CDH12: variants seen among roughly 807,000 people sequenced by gnomAD.
The protein encoded by CDH12 is cadherin 12, also known as cadherin-12.
CDH12 carries 41 observed loss-of-function variants against 74.1 expected under a neutral mutation model. The observed-to-expected ratio is 0.55, with a 90% CI of 0.43 to 0.72. The LOEUF (loss-of-function observed/expected upper bound fraction) is 0.72. Among genes scored for constraint, CDH12 ranks in the 30% least tolerant of loss-of-function variants. The pLI is 0.00. For missense variants in CDH12, 945 were observed against 977.2 expected, an observed-to-expected ratio of 0.97 and a Z score of 0.44; for synonymous variants, 399 against 355.0, an observed-to-expected ratio of 1.12 and a Z score of -1.39.
intron 1 of CDH12, among the ~76,000 whole-genome samples, chr5:22,767,011 A>AT (rs1746549042): frequency 2.0e-5 from 3 of 151,830 alleles, no homozygotes; most frequent in Admixed American, 6.6e-5. Context: ...ATTTTTTGTG[A>AT]TTTTTTACAT....
intron 2 of CDH12, among the ~76,000 whole-genome samples, chr5:22,426,199 A>G (rs1743930841): frequency 6.6e-6 from 1 of 151,442 alleles, no homozygotes; most frequent in African/African-American, 2.4e-5. Context: ...AAAAAGAAAA[A>G]AAAAAAAAAA....
At position 22,378,900 on chromosome 5, in the gene CDH12, T is replaced by C. The variant is rs578113247; in HGVS notation, c.-333+26357A>G. Among the ~76,000 whole-genome samples the C allele has an allele frequency of 6.6e-5, 10 of 152,224 alleles. No individual in the cohort carries two copies. The East Asian group carries it at 1.9e-3, about 29-fold the overall frequency. On this transcript the variant is annotated intron_variant, in intron 3 of 14. Coordinates refer to ENST00000382254, the MANE Select transcript of CDH12 (RefSeq NM_004061.5). ...TATGCCTATGGCTTGATGAATAATTTCTGCTTAAAGTAATTTGAAAAGCTA... is the reference window on the plus strand; with the variant it reads ...TATGCCTATGGCTTGATGAATAATTCCTGCTTAAAGTAATTTGAAAAGCTA...
intron 4 of CDH12, among the ~76,000 whole-genome samples, chr5:22,160,228 C>T (rs1316596577): frequency 1.3e-5 from 2 of 152,002 alleles, no homozygotes; most frequent in Admixed American, 6.6e-5. Flanking sequence ...GGCTTTTCTC[C>T]TTTTTTTCTT....
At chr5:21,829,300 C>A (rs937196658) in intron 8 of CDH12, among the ~76,000 whole-genome samples, 1 of 151,036 alleles carries the variant, frequency 6.6e-6, no homozygotes, top group Non-Finnish European at 1.5e-5. Flanking sequence ...GATTCCATTT[C>A]AAAATAAAAA....
rs1238818727 is a variant in CDH12 at position 22,229,137 on chromosome 5, CTTTTTTT to C, written c.-332-16501_-332-16495del. On this transcript the variant is annotated intron_variant, in intron 3 of 14. Coordinates refer to ENST00000382254, the MANE Select transcript of CDH12 (RefSeq NM_004061.5). ...CCCAGTAAATTTACAAATCCTTTTTCTTTTTTTTTTTTTAGTATATTCCACTGTCAGT... is the reference window on the plus strand; with the variant it reads ...CCCAGTAAATTTACAAATCCTTTTTCTTTTTTAGTATATTCCACTGTCAGT... Among the ~76,000 whole-genome samples the C allele has an allele frequency of 2.8e-3, 387 of 139,670 alleles. 3 individuals carry two copies. Among genetic ancestry groups the C allele is most frequent in the African/African-American group, 9.3e-3 (358 of 38,316 alleles). The allele number at this position is 139,670 out of a possible 152,430, so 91.6% of individuals were successfully genotyped here. A position where few individuals can be genotyped will look rare whatever the true frequency, so the allele number is the denominator to read the frequency against.
At chr5:22,260,873 C>T (rs1308507201) in intron 3 of CDH12, among the ~76,000 whole-genome samples, 1 of 151,914 alleles carries the variant, frequency 6.6e-6, no homozygotes, top group South Asian at 2.1e-4. Flanking sequence ...ACAGCTTTGA[C>T]TCATAGAATT....
intron 4 of CDH12, among the ~76,000 whole-genome samples, chr5:22,204,203 C>T (rs1751087195): frequency 6.8e-6 from 1 of 146,418 alleles, no homozygotes; most frequent in Non-Finnish European, 1.5e-5. Flanking sequence ...GACGGAGTCT[C>T]CCTCTGTCGC....
At chr5:21,870,690 T>G (rs1203505127) in intron 6 of CDH12, among the ~76,000 whole-genome samples, 1 of 152,162 alleles carries the variant, frequency 6.6e-6, no homozygotes, top group Non-Finnish European at 1.5e-5. Flanking sequence ...TCCATCCTCT[T>G]TATCTTCAGC....
chr5:22,078,412 T>C lies in CDH12; in HGVS notation c.231+34A>G, dbSNP rs374026834. The stretch of plus-strand genomic sequence containing the variant: ...ATACACAATGCATATTCCCCCTTCC[T>C]ATCAAGCGGTTGTCAAAAGAAATAC... On this transcript the variant is annotated intron_variant, in intron 5 of 14. Transcript: ENST00000382254. 374 of 1,589,552 alleles carry C rather than the reference T, an allele frequency of 2.4e-4. 1 individual carries two copies. Among genetic ancestry groups the C allele is most frequent in the Non-Finnish European group, 2.8e-4 (327 of 1,158,634 alleles).
intron 9 of CDH12, among the ~76,000 whole-genome samples, chr5:21,807,288 C>A (rs1430451547): frequency 6.6e-6 from 1 of 152,098 alleles, no homozygotes; most frequent in Admixed American, 6.6e-5. Context: ...CCTTGCCCAC[C>A]AAACTATCCT....
Position 22,036,760 on chromosome 5 carries a change from C to T in CDH12, c.231+41686G>A, listed in dbSNP as rs115867256. 3.7e-3 allele frequency among the ~76,000 whole-genome samples: 556 copies of T among 152,130 alleles called. 1 individual carries two copies. Among genetic ancestry groups the T allele is most frequent in the African/African-American group, 0.013 (531 of 41,494 alleles). On this transcript the variant is annotated intron_variant, in intron 5 of 14. Transcript: ENST00000382254. ...AAGGTTTAATTGGTGTTTTAAGACC[C>T]TATAAAGATTTCATATGAAAATATT...
chr5:22,683,700 A>G (rs1263592022), intron 1 of CDH12, among the ~76,000 whole-genome samples: 3 of 152,232 alleles, frequency 2.0e-5, no homozygotes, highest in African/African-American at 7.2e-5. Flanking sequence ...GCTAAAGAAG[A>G]AATTGGACAA....
intron 4 of CDH12, among the ~76,000 whole-genome samples, chr5:22,082,166 G>A (rs947442999): frequency 2.0e-5 from 3 of 151,832 alleles, no homozygotes; most frequent in Non-Finnish European, 2.9e-5. Flanking sequence ...AACTAGAAGG[G>A]GTTTCTTTTT....
At chr5:22,717,238 G>A (rs953298545) in intron 1 of CDH12, among the ~76,000 whole-genome samples, 13 of 152,140 alleles carry the variant, frequency 8.5e-5, no homozygotes, top group African/African-American at 3.1e-4. Context: ...CCCTATACAG[G>A]TGAACCTTTT....
chr5:21,817,533 A>C (rs1232318694), intron 8 of CDH12, among the ~76,000 whole-genome samples: 1 of 152,036 alleles, frequency 6.6e-6, no homozygotes, highest in African/African-American at 2.4e-5. Flanking sequence ...TAGATGATAG[A>C]TAGATGATAG....
At chr5:22,395,905 G>C (rs1315883156) in intron 3 of CDH12, among the ~76,000 whole-genome samples, 1 of 152,068 alleles carries the variant, frequency 6.6e-6, no homozygotes, top group Admixed American at 6.6e-5. Context: ...GAGTCAGTAA[G>C]GATATGTGGT....
chr5:22,533,364 C>T (rs1477441), intron 1 of CDH12, among the ~76,000 whole-genome samples: 24,646 of 152,142 alleles, frequency 0.16, 2,585 homozygotes, highest in East Asian at 0.37. Flanking sequence ...TCTTTCTGTA[C>T]ATAATGCAAC....
intron 4 of CDH12, among the ~76,000 whole-genome samples, chr5:22,160,049 C>A (rs1748244073): frequency 6.6e-6 from 1 of 152,078 alleles, no homozygotes; most frequent in Non-Finnish European, 1.5e-5. Context: ...AAAAACTTCA[C>A]CTATCTATTG....
chr5:22,181,557 A>C (rs1361848405), intron 4 of CDH12, among the ~76,000 whole-genome samples: 1 of 152,136 alleles, frequency 6.6e-6, no homozygotes, highest in Non-Finnish European at 1.5e-5. Flanking sequence ...TTATATTTCA[A>C]TCTCGGGCTT....
Sources: gnomAD v4.1 joint callset for allele counts (sites outside exome capture counted in the v4.1 genomes callset) on GRCh38, gnomAD v4.1.1 for gene constraint, MANE v1.5 for transcripts, NCBI Gene and HGNC (gene_info 2026-07-23, HGNC 2026-07-21) for gene names.